Variants in YTHDC2 observed in about 807,000 individuals in gnomAD.
The protein encoded by YTHDC2 is 3'-5' RNA helicase YTHDC2.
Under a neutral mutation model 174.9 loss-of-function variants are expected in YTHDC2, and 45 were observed. The ratio of observed to expected loss-of-function variants is 0.26; its 90% CI spans 0.20 to 0.33. The LOEUF is 0.33. Ranked by LOEUF, YTHDC2 falls within the 10% of genes least tolerant of loss-of-function variation. The pLI, the probability that YTHDC2 is intolerant of heterozygous loss-of-function variation, is 1.00. For synonymous variants in YTHDC2, 657 were observed against 574.5 expected, an observed-to-expected ratio of 1.14 and a Z score of -2.05; for missense variants, 1,650 against 1,723.7, an observed-to-expected ratio of 0.96 and a Z score of 0.76.
Position 113,548,944 on chromosome 5 carries a change from A to C in YTHDC2, c.1623-11A>C. On this transcript the variant is annotated splice_polypyrimidine_tract_variant and intron_variant, in intron 11 of 29. Coordinates refer to ENST00000161863, the MANE Select transcript of YTHDC2 (RefSeq NM_022828.5). ...TTGATGACATCTTATATATCCTTTG[A>C]ATTTTGGCAGGATGGCATTGGATTG... 1 of 1,610,800 alleles carries C rather than the reference A, an allele frequency of 6.2e-7. No individual in the cohort carries two copies. Among genetic ancestry groups the C allele is most frequent in the Non-Finnish European group, 8.5e-7 (1 of 1,178,432 alleles).
chr5:113,573,019 C>T (rs185544108), intron 23 of YTHDC2, among the ~76,000 whole-genome samples: 4 of 152,252 alleles, frequency 2.6e-5, no homozygotes, highest in African/African-American at 9.6e-5. Context: ...ATGATGCTAG[C>T]TGGTTATTTT....
rs1436486784 is a variant in YTHDC2, at chr5:113,567,225, G to A, written c.2976G>A (p.Val992=). ...NLVHVDRENL[V]LTGPKEKKVR... ...TCCACGTGGACAGAGAGAATCTAGT[G>A]TTGACAGGGCCAAAGGAGAAAAAAG... The change falls in exon 22 of 30, where the codon GTG becomes GTA. Residue 992 remains valine (V), a synonymous_variant. Coordinates refer to ENST00000161863, the MANE Select transcript of YTHDC2 (RefSeq NM_022828.5). The A allele has an allele frequency of 6.2e-6, 10 of 1,613,666 alleles. No homozygotes were observed. Among genetic ancestry groups the A allele is most frequent in the Non-Finnish European group, 8.5e-6 (10 of 1,179,868 alleles).
chr5:113,589,218 CA>C (rs1778853320), intron 26 of YTHDC2, among the ~76,000 whole-genome samples: 1 of 151,410 alleles, frequency 6.6e-6, no homozygotes, highest in African/African-American at 2.4e-5. Flanking sequence ...TTCCACAGGT[CA>C]CCGATGTTCT....
chr5:113,588,556 T>C (rs1778817138), intron 26 of YTHDC2, among the ~76,000 whole-genome samples: 1 of 151,976 alleles, frequency 6.6e-6, no homozygotes, highest in African/African-American at 2.4e-5. Flanking sequence ...GAATTGGTAT[T>C]ATTTCTTCCT....
intron 24 of YTHDC2, 56 bp from the exon 25 acceptor site, chr5:113,581,361 A>T (rs1369390411): frequency 6.8e-6 from 10 of 1,470,796 alleles, no homozygotes; most frequent in Non-Finnish European, 9.0e-6. Context: ...TAATCAACAC[A>T]TAGGTGTTTT....
intron 17 of YTHDC2, among the ~76,000 whole-genome samples, chr5:113,559,820 C>T (rs933360139): frequency 4.6e-5 from 7 of 152,182 alleles, no homozygotes; most frequent in Non-Finnish European, 1.0e-4. Context: ...CATGGCTTTA[C>T]CAGTATGATC....
At chr5:113,516,683 A>G (rs1247178665) in intron 2 of YTHDC2, among the ~76,000 whole-genome samples, 1 of 152,020 alleles carries the variant, frequency 6.6e-6, no homozygotes, top group Admixed American at 6.5e-5. Context: ...GTTGAGAACT[A>G]CTGACATAGA....
intron 4 of YTHDC2, among the ~76,000 whole-genome samples, chr5:113,532,133 G>A (rs1774717423): frequency 6.6e-6 from 1 of 152,146 alleles, no homozygotes; most frequent in African/African-American, 2.4e-5. Flanking sequence ...TCCATGAGAT[G>A]GAATATGCAG....
chr5:113,553,780 A>T lies in YTHDC2; in HGVS notation c.1978A>T (p.Met660Leu). ...ADSTHRYQVF[M>L]LHSNMQTSDQ... ...AATTGTCTGCAGATACCAAGTCTTT[A>T]TGCTTCATTCAAATATGCAAACATC... is the stretch of plus-strand genomic sequence containing the variant. The change falls in exon 15 of 30, where the codon ATG (methionine) becomes TTG (leucine). Residue 660 changes from methionine (M) to leucine (L), a missense_variant. Around this residue, in one of 5 missense-constraint regions of YTHDC2, gnomAD observed 913 missense variants for 940.4 expected, o/e 0.97. Coordinates refer to ENST00000161863, the MANE Select transcript of YTHDC2 (RefSeq NM_022828.5). 6.2e-7 allele frequency: 1 copy of T among 1,612,584 alleles called. No homozygotes were observed. Among genetic ancestry groups the T allele is most frequent in the Non-Finnish European group, 8.5e-7 (1 of 1,179,370 alleles).
intron 5 of YTHDC2, 116 bp from the exon 6 acceptor site, chr5:113,534,189 G>A: frequency 1.3e-6 from 1 of 762,538 alleles, no homozygotes; most frequent in South Asian, 1.7e-5. Context: ...GTACATACCG[G>A]TACACTATTA....
chr5:113,521,975 A>G (rs1773896425), intron 2 of YTHDC2, among the ~76,000 whole-genome samples: 1 of 152,042 alleles, frequency 6.6e-6, no homozygotes, highest in Non-Finnish European at 1.5e-5. Context: ...ACAAATTAGT[A>G]TGATGCAAAC....
At position 113,564,148 on chromosome 5, in the gene YTHDC2, T is replaced by G; in HGVS notation, c.2715+17T>G. ...GCATTCCAGGTACTATTACTGTCAT[T>G]TTATTTCTGAAGACGTTGCTGGGTA... On this transcript the variant is annotated intron_variant, in intron 20 of 29. Coordinates refer to ENST00000161863, the MANE Select transcript of YTHDC2 (RefSeq NM_022828.5). 1 of 1,580,302 alleles carries G rather than the reference T, an allele frequency of 6.3e-7. No individual in the cohort carries two copies.
chr5:113,515,607 G>A (rs1773365690), intron 2 of YTHDC2, among the ~76,000 whole-genome samples: 1 of 151,722 alleles, frequency 6.6e-6, no homozygotes, highest in African/African-American at 2.4e-5. Context: ...CTTCTACCCA[G>A]CTTAGGTTCC....
intron 6 of YTHDC2, 95 bp downstream of exon 6, chr5:113,534,502 A>G (rs564047611): frequency 5.9e-5 from 63 of 1,070,296 alleles, no homozygotes; most frequent in African/African-American, 4.2e-4. Context: ...ATTTAAATAC[A>G]TAATTACATT....
intron 2 of YTHDC2, among the ~76,000 whole-genome samples, chr5:113,524,280 C>T (rs544702101): frequency 1.3e-5 from 2 of 152,182 alleles, no homozygotes; most frequent in East Asian, 1.9e-4. Context: ...TAACACTATA[C>T]CTACTACTCT....
At chr5:113,518,525 G>A (rs959759033) in intron 2 of YTHDC2, among the ~76,000 whole-genome samples, 8 of 150,344 alleles carry the variant, frequency 5.3e-5, no homozygotes, top group South Asian at 2.1e-4. Context: ...ATAATCTATC[G>A]TTAACTTTAT....
At chr5:113,590,021 A>G (rs1346015649) in intron 26 of YTHDC2, among the ~76,000 whole-genome samples, 1 of 152,188 alleles carries the variant, frequency 6.6e-6, no homozygotes, top group African/African-American at 2.4e-5. Flanking sequence ...TCAGATTTGT[A>G]AAGAGCTAGT....
chr5:113,589,405 AAAAATATAT>A (rs1778874493), intron 26 of YTHDC2, among the ~76,000 whole-genome samples: 2 of 120,462 alleles, frequency 1.7e-5, no homozygotes, highest in Admixed American at 1.6e-4. Context: ...TAAAAAAAAA[AAAAATATAT>A]ATATATATAT....
In YTHDC2 at chr5:113,530,873, C is replaced by T. The variant is rs374490112; in HGVS notation, c.676-2006C>T. Among the ~76,000 whole-genome samples, 23 of 152,216 alleles carry T rather than the reference C, an allele frequency of 1.5e-4. No homozygotes were observed. The East Asian group carries it at 2.1e-3, about 14-fold the overall frequency. On this transcript the variant is annotated intron_variant, in intron 4 of 29. Transcript: ENST00000161863. ...ACATTTCTTGCAAGGCTGTAGTCTA[C>T]TGACAACAAATTCCCTCAATTTGTA...
Sources: allele counts gnomAD v4.1 joint callset (sites outside exome capture counted in the v4.1 genomes callset), GRCh38; gene constraint gnomAD v4.1.1; regional missense constraint gnomAD v4.1.1; transcripts MANE v1.5; gene names NCBI Gene and HGNC (gene_info 2026-07-23, HGNC 2026-07-21).